Variants in NDRG2 observed in about 807,000 individuals in gnomAD.
NDRG2 encodes the protein protein NDRG2.
In NDRG2, 34 loss-of-function variants were observed where a neutral mutation model predicts 58.2. That is an observed-to-expected ratio of 0.58 (90% confidence interval 0.44 to 0.78). NDRG2 has a LOEUF of 0.78. Among genes scored for constraint, NDRG2 ranks in the 30% least tolerant of loss-of-function variants. NDRG2 has a pLI of 0.00. For synonymous variants in NDRG2, 187 were observed against 175.9 expected (o/e 1.06, Z -0.50); for missense variants, 434 against 471.2 (o/e 0.92, Z 0.73).
intron 1 of NDRG2, among the ~76,000 whole-genome samples, chr14:21,050,182 C>T (rs1885400917): frequency 6.6e-6 from 1 of 152,172 alleles, no homozygotes; most frequent in East Asian, 1.9e-4. Context: ...TATTAAGTGC[C>T]CGTAATCCTG....
rs1877359388 is a variant in NDRG2, at chr14:21,017,512, G to A, written c.*84C>T. 1.4e-6 allele frequency: 2 copies of A among 1,448,624 alleles called. No individual in the cohort carries two copies. The highest frequency in any genetic ancestry group is 1.9e-6 in the Non-Finnish European group (2 of 1,074,208). 89.7% of individuals were successfully genotyped at this position (1,448,624 alleles called of 1,614,324 possible). On this transcript the variant is annotated 3_prime_UTR_variant, in exon 16 of 16. Coordinates refer to ENST00000556147, the MANE Select transcript of NDRG2 (RefSeq NM_001320329.2). ...ATCTGCCCTTTTTCCCTTGCTTACG[G>A]TGGCCCAATGCCCCTTCAGCACCTC... is the stretch of plus-strand genomic sequence containing the variant.
At chr14:21,043,462 A>G (rs760006640) in intron 1 of NDRG2, 1 of 1,578,210 alleles carries the variant, frequency 6.3e-7, no homozygotes, top group Non-Finnish European at 8.6e-7. Context: ...AGAGTCCTTT[A>G]GGTTTCCAGA....
intron 1 of NDRG2, chr14:21,048,583 G>C (rs1885316378): frequency 6.6e-6 from 1 of 152,114 alleles, no homozygotes; most frequent in East Asian, 1.9e-4. Flanking sequence ...GATGGTTTTT[G>C]GGCTTGAATA....
At chr14:21,031,507 G>A (rs1434077052) in intron 1 of NDRG2, among the ~76,000 whole-genome samples, 2 of 152,126 alleles carry the variant, frequency 1.3e-5, no homozygotes, top group Non-Finnish European at 2.9e-5. Context: ...TTAATCTCAG[G>A]CCTCCTGCCT....
intron 1 of NDRG2, among the ~76,000 whole-genome samples, chr14:21,052,462 T>A (rs1178799860): frequency 6.6e-6 from 1 of 152,108 alleles, no homozygotes; most frequent in Non-Finnish European, 1.5e-5. Context: ...TCAAGATGAG[T>A]TCTAAAGGAT....
chr14:21,018,588 G>A, intron 12 of NDRG2, 84 bp from the exon 13 acceptor site: 1 of 1,567,402 alleles, frequency 6.4e-7, no homozygotes, highest in South Asian at 1.2e-5. Flanking sequence ...CCAGACCCCA[G>A]TCCCTTTTCT....
chr14:21,048,982 G>A lies in NDRG2; in HGVS notation c.24+21846C>T, dbSNP rs72668999. 1.6e-3 allele frequency among the ~76,000 whole-genome samples: 242 copies of A among 152,298 alleles called. 1 individual carries two copies. Among genetic ancestry groups the A allele is most frequent in the Middle Eastern group, 3.4e-3 (1 of 294 alleles). On this transcript the variant is annotated intron_variant, in intron 1 of 14. Coordinates refer to the NDRG2 transcript ENST00000403829. The stretch of plus-strand genomic sequence containing the variant: ...CTTTGAGTTGAAGGAGAAGTAAAAG[G>A]GGGCTTTGGAGAATTTCTGTTAAGA...
At chr14:21,035,069 C>T (rs550475124) in intron 1 of NDRG2, among the ~76,000 whole-genome samples, 141 of 152,330 alleles carry the variant, frequency 9.3e-4, no homozygotes, top group Non-Finnish European at 1.5e-3. Flanking sequence ...ACAGAGCATT[C>T]GCCACTTTGT....
rs1196123545 is a variant in NDRG2 at position 21,019,922 on chromosome 14, G to A, written c.610C>T (p.Gln204Ter). ...CTACATCTCCTACACCCACTTACCT[G>A]GCTGAAAAGATGTCCAAGGATCATC... ...PEMILGHLFS[Q>*]EELSGNSELI... Residue 204 changes from glutamine (Q) to a stop codon, truncating the protein, a stop_gained and splice_region_variant, in exon 9 of 16, where the codon CAG (glutamine) becomes TAG (stop). Transcript: ENST00000556147. LOFTEE classifies it high-confidence loss of function. 6.2e-7 allele frequency: 1 copy of A among 1,614,038 alleles called. No individual in the cohort carries two copies.
intron 1 of NDRG2, among the ~76,000 whole-genome samples, chr14:21,061,432 A>C (rs1176815530): frequency 6.6e-6 from 1 of 152,148 alleles, no homozygotes; most frequent in Admixed American, 6.5e-5. Context: ...ATGGCGTGTA[A>C]CTGGAATCTA....
intron 1 of NDRG2, among the ~76,000 whole-genome samples, chr14:21,037,515 A>G: frequency 6.6e-6 from 1 of 152,240 alleles, no homozygotes; most frequent in East Asian, 1.9e-4. Context: ...TTTGGTTGTC[A>G]CAACCAGGAG....
intron 1 of NDRG2, among the ~76,000 whole-genome samples, chr14:21,065,652 G>A (rs1886224827): frequency 6.6e-6 from 1 of 152,186 alleles, no homozygotes; most frequent in Non-Finnish European, 1.5e-5. Flanking sequence ...CAGGGAAGAA[G>A]ACCTTTGAGA....
intron 1 of NDRG2, among the ~76,000 whole-genome samples, chr14:21,065,211 C>T (rs1167804596): frequency 6.6e-6 from 1 of 151,882 alleles, no homozygotes; most frequent in East Asian, 1.9e-4. Flanking sequence ...AAATTCTGTC[C>T]TGCATGCCTT....
At chr14:21,025,812 T>C (rs1166661696), upstream of NDRG2, 41 of 313,874 alleles carry the variant, frequency 1.3e-4, no homozygotes, top group African/African-American at 2.1e-3. This position sits in a 1 kb window ranked among gnomAD's most constrained non-coding sequence, Gnocchi z 5.1. Flanking sequence ...AGGCGGGGGG[T>C]GGGGAGAGGA....
intron 1 of NDRG2, among the ~76,000 whole-genome samples, chr14:21,062,015 A>G (rs1885988810): frequency 6.6e-6 from 1 of 152,254 alleles, no homozygotes; most frequent in Admixed American, 6.5e-5. Context: ...TTCATTAACT[A>G]CTTACAAATA....
intron 1 of NDRG2, chr14:21,036,038 A>G (rs184118847): frequency 2.6e-6 from 1 of 379,844 alleles, no homozygotes; most frequent in African/African-American, 2.1e-5. Flanking sequence ...TCACGGCAGT[A>G]TGAGGATCCA....
rs75579840 is a variant in NDRG2 at position 21,022,445 on chromosome 14, G to A, written c.170C>T (p.Thr57Ile). 4.7e-5 allele frequency: 76 copies of A among 1,614,124 alleles called. No homozygotes were observed. In the East Asian group the frequency reaches 1.6e-3, roughly 33 times the overall value. ...YGSVTFTVYG[T>I]PKPKRPAILT... ...GATCGCTGGGCGTTTGGGTTTGGGGGTGCCATAGACAGTGAAAGTGACAGA... is the reference window on the plus strand; with the variant it reads ...GATCGCTGGGCGTTTGGGTTTGGGGATGCCATAGACAGTGAAAGTGACAGA... Residue 57 changes from threonine (T) to isoleucine (I), a missense_variant, in exon 4 of 16, where the codon ACC becomes ATC. Physicochemically the swap from Thr to Ile is moderately conservative, Grantham distance 89. Coordinates refer to ENST00000556147, the MANE Select transcript of NDRG2 (RefSeq NM_001320329.2).
intron 1 of NDRG2, chr14:21,031,182 A>G (rs1884091062): frequency 6.2e-7 from 1 of 1,611,846 alleles, no homozygotes; most frequent in African/African-American, 1.3e-5. Flanking sequence ...GACAGCCTTC[A>G]TCCCCTTGAC....
In NDRG2 at chr14:21,070,383, C is replaced by T; in HGVS notation, c.24+445G>A. 1.4e-6 allele frequency: 2 copies of T among 1,410,576 alleles called. No individual in the cohort carries two copies. Among genetic ancestry groups the T allele is most frequent in the South Asian group, 1.5e-5 (1 of 65,612 alleles). The allele number at this position is 1,410,576 out of a possible 1,614,324, so 87.4% of individuals were successfully genotyped here. On this transcript the variant is annotated intron_variant, in intron 1 of 14. Coordinates refer to the NDRG2 transcript ENST00000403829. This position sits in a 1 kb window ranked among gnomAD's most constrained non-coding sequence, Gnocchi z 4.7. ...CCGCCCGACCAAGCGTCGGACGCGG[C>T]CCGGCGCCGAGCCATGGTGAGTCCA...
Sources: gnomAD v4.1 joint callset for allele counts (sites outside exome capture counted in the v4.1 genomes callset) on GRCh38, gnomAD v4.1.1 for gene constraint, Gnocchi (gnomAD v3.1) non-coding constraint, MANE v1.5 for transcripts, NCBI Gene and HGNC (gene_info 2026-07-23, HGNC 2026-07-21) for gene names.